Variants in RBFOX3 observed in about 807,000 individuals in gnomAD.
RBFOX3 encodes the protein RNA binding fox-1 homolog 3.
A neutral mutation model predicts 48.7 loss-of-function variants in RBFOX3; 17 were observed. The ratio of observed to expected loss-of-function variants is 0.35; its 90% CI spans 0.24 to 0.52. The LOEUF (loss-of-function observed/expected upper bound fraction) is 0.52. Among genes scored for constraint, RBFOX3 ranks in the 20% least tolerant of loss-of-function variants. The pLI, the probability that RBFOX3 is intolerant of heterozygous loss-of-function variation, is 0.94. For missense variants in RBFOX3, 382 were observed against 497.5 expected, an observed-to-expected ratio of 0.77 and a Z score of 2.21; for synonymous variants, 212 against 209.5, an observed-to-expected ratio of 1.01 and a Z score of -0.10.
intron 9 of RBFOX3, 130 bp from the exon 10 acceptor site, chr17:79,097,875 G>T: frequency 1.0e-6 from 1 of 953,230 alleles, no homozygotes; most frequent in Non-Finnish European, 1.6e-6. Context: ...CCCGCGCCGG[G>T]CCCCCCTTTC....
At chr17:79,429,503 G>A (rs1555727341) in intron 2 of RBFOX3, among the ~76,000 whole-genome samples, 1 of 152,138 alleles carries the variant, frequency 6.6e-6, no homozygotes, top group East Asian at 1.9e-4. Context: ...GACTGGGCCA[G>A]GGTTTGTATA....
chr17:79,124,047 G>C (rs538810854), intron 4 of RBFOX3, among the ~76,000 whole-genome samples: 1 of 152,220 alleles, frequency 6.6e-6, no homozygotes, highest in Non-Finnish European at 1.5e-5. Context: ...CAGCAGGCAG[G>C]GAAGCGCAAG....
In RBFOX3 at chr17:79,264,965, A is replaced by AGG. The variant is rs766941741; in HGVS notation, c.-73-29162_-73-29161dup. 2.3e-4 allele frequency among the ~76,000 whole-genome samples: 30 copies of AGG among 132,968 alleles called. No individual in the cohort carries two copies. In the East Asian group the frequency reaches 2.3e-3, roughly 10 times the overall value. The allele number at this position is 132,968 out of a possible 152,430, so 87.2% of individuals were successfully genotyped here. A position where few individuals can be genotyped will look rare whatever the true frequency, so the allele number is the denominator to read the frequency against. ...CCTTGGAGACCCTCAGTGCGAGAGG[A>AGG]GGGGGGGGGGGCGCAGATTTGTGGC... is the stretch of plus-strand genomic sequence containing the variant. On this transcript the variant is annotated intron_variant, in intron 3 of 14. Transcript: ENST00000693108.
At chr17:79,496,826 C>T (rs1043410203) in intron 1 of RBFOX3, among the ~76,000 whole-genome samples, 7 of 152,188 alleles carry the variant, frequency 4.6e-5, no homozygotes, top group East Asian at 1.9e-4. Flanking sequence ...ACGTGAATGC[C>T]GAAAGCCTGC....
intron 4 of RBFOX3, among the ~76,000 whole-genome samples, chr17:79,126,897 T>C (rs2037452741): frequency 6.6e-6 from 1 of 152,176 alleles, no homozygotes; most frequent in Admixed American, 6.5e-5. Context: ...TTCTGGAAAC[T>C]TCCACCCGGC....
chr17:79,430,843 C>G (rs2068304956), intron 2 of RBFOX3, among the ~76,000 whole-genome samples: 1 of 152,242 alleles, frequency 6.6e-6, no homozygotes, highest in South Asian at 2.1e-4. Context: ...CCACACCCGC[C>G]CTGTGCTCAG....
chr17:79,282,844 G>T (rs2070895182), intron 3 of RBFOX3, among the ~76,000 whole-genome samples: 1 of 152,274 alleles, frequency 6.6e-6, no homozygotes, highest in Admixed American at 6.5e-5. Flanking sequence ...GGAGAAAGAG[G>T]CTGGTCTACT....
intron 2 of RBFOX3, among the ~76,000 whole-genome samples, chr17:79,308,754 C>A (rs866203415): frequency 3.9e-5 from 6 of 151,992 alleles, no homozygotes; most frequent in African/African-American, 1.2e-4. Context: ...ACCCCCAACC[C>A]CCAGTGACAA....
intron 2 of RBFOX3, among the ~76,000 whole-genome samples, chr17:79,439,427 C>A (rs576821695): frequency 5.9e-5 from 9 of 152,360 alleles, no homozygotes; most frequent in African/African-American, 2.2e-4. Flanking sequence ...CCAGATGTCC[C>A]GTAACCTCCC....
At chr17:79,316,579 G>A (rs746720291) in intron 2 of RBFOX3, among the ~76,000 whole-genome samples, 3 of 152,222 alleles carry the variant, frequency 2.0e-5, no homozygotes, top group Admixed American at 6.5e-5. Context: ...AGGAGCCTGG[G>A]CCACACAGCC....
At chr17:79,637,760 GGGGAGGGGAA>G in the RBFOX3 span, among the ~76,000 whole-genome samples, 11 of 93,120 alleles carry the variant, frequency 1.2e-4, no homozygotes, top group African/African-American at 3.9e-4. Context: ...GAGGAGAGGA[GGGGAGGGGAA>G]GGGAGGGGAA....
At chr17:79,320,653 T>C (rs1216572755) in intron 2 of RBFOX3, among the ~76,000 whole-genome samples, 2 of 152,218 alleles carry the variant, frequency 1.3e-5, no homozygotes, top group Non-Finnish European at 1.5e-5. Flanking sequence ...CCCCACATTC[T>C]GTTTGGAGAG....
rs1227562251 is a variant in RBFOX3, at chr17:79,097,360, G to T, written c.687C>A (p.Gly229=). The part of the protein sequence containing the change: ...AVAYRGAHLR[G]RGRAVYNTFR... The stretch of plus-strand genomic sequence containing the variant: ...ATGTATTATACACGGCCCGGCCCCG[G>T]CCCCGAAGATGTGCGCCCCGGTAGG... Residue 229 remains glycine, a synonymous_variant, in exon 11 of 15, where the codon GGC becomes GGA. Coordinates refer to ENST00000693108, the MANE Select transcript of RBFOX3 (RefSeq NM_001350451.2). The T allele has an allele frequency of 1.0e-5, 16 of 1,548,598 alleles. No homozygotes were observed. Among genetic ancestry groups the T allele is most frequent in the Non-Finnish European group, 1.3e-5 (15 of 1,146,256 alleles).
chr17:79,321,030 C>T (rs982254813), intron 2 of RBFOX3, among the ~76,000 whole-genome samples: 43 of 152,316 alleles, frequency 2.8e-4, no homozygotes, highest in African/African-American at 8.7e-4. Flanking sequence ...CCCAAGGGTC[C>T]CAACAGAGCA....
At chr17:79,138,331 G>A (rs537351318) in intron 4 of RBFOX3, among the ~76,000 whole-genome samples, 24 of 152,202 alleles carry the variant, frequency 1.6e-4, no homozygotes, top group African/African-American at 5.3e-4. Context: ...GAGCACGCTC[G>A]TGTGTACCAT....
chr17:79,193,901 GTGTT>G (rs2055012405), intron 4 of RBFOX3, among the ~76,000 whole-genome samples: 1 of 152,114 alleles, frequency 6.6e-6, no homozygotes, highest in Non-Finnish European at 1.5e-5. Context: ...GGGGAGGTAG[GTGTT>G]CCGGGCTAGG....
rs1489258542 is a variant in RBFOX3 at position 79,362,216 on chromosome 17, G to T, written c.-174-54392C>A. 6.6e-6 allele frequency among the ~76,000 whole-genome samples: 1 copy of T among 152,234 alleles called. No homozygotes were observed. Among genetic ancestry groups the T allele is most frequent in the Non-Finnish European group, 1.5e-5 (1 of 68,042 alleles). Reference sequence around the variant, plus strand: ...ACACCGGGGTCTTTCAGCCTGAGGTGAGCGCCCCAGAGAGCTTCCCAGGTT... The same window carrying T: ...ACACCGGGGTCTTTCAGCCTGAGGTTAGCGCCCCAGAGAGCTTCCCAGGTT... On this transcript the variant is annotated intron_variant, in intron 2 of 14. Coordinates refer to ENST00000693108, the MANE Select transcript of RBFOX3 (RefSeq NM_001350451.2). The surrounding 1 kb of genome is among the most constrained non-coding windows in gnomAD (Gnocchi z 4.2).
chr17:79,166,372 G>A (rs1307992117), intron 4 of RBFOX3, among the ~76,000 whole-genome samples: 2 of 152,224 alleles, frequency 1.3e-5, no homozygotes, highest in Non-Finnish European at 2.9e-5. Context: ...TCCAACTCAG[G>A]CAGCCGAGAC....
Position 79,103,437 on chromosome 17 carries a change from C to T in RBFOX3, c.415-183G>A, listed in dbSNP as rs1000655809. On this transcript the variant is annotated intron_variant, in intron 7 of 14. Transcript: ENST00000693108. The surrounding 1 kb of genome is among the most constrained non-coding windows in gnomAD (Gnocchi z 6.1). ...GCCCAGAGGTCTGTCCTAGGGCCAC[C>T]GGCAGGATGCCAGGAGGGGTATGGG... is the stretch of plus-strand genomic sequence containing the variant. 3.9e-5 allele frequency among the ~76,000 whole-genome samples: 6 copies of T among 152,074 alleles called. No homozygotes were observed. Among genetic ancestry groups the T allele is most frequent in the African/African-American group, 7.2e-5 (3 of 41,406 alleles).
Sources: gnomAD v4.1 joint callset for allele counts (sites outside exome capture counted in the v4.1 genomes callset) on GRCh38, gnomAD v4.1.1 for gene constraint, Gnocchi (gnomAD v3.1) non-coding constraint, MANE v1.5 for transcripts, NCBI Gene and HGNC (gene_info 2026-07-23, HGNC 2026-07-21) for gene names.